Variants in BRF1 observed in about 807,000 individuals in gnomAD.
BRF1 encodes the protein BRF1 general transcription factor IIIB subunit, also known as transcription factor IIIB 90 kDa subunit.
In BRF1, 59 loss-of-function variants were observed where a neutral mutation model predicts 81.7. The observed-to-expected ratio is 0.72, with a 90% CI of 0.59 to 0.90. The LOEUF is 0.90. BRF1 is among the 40% of genes least tolerant of loss of function. The probability of loss-of-function intolerance (pLI) is 0.00; values close to 1 mark genes in which losing one functional copy is unlikely to be tolerated. For synonymous variants in BRF1, 491 were observed against 395.6 expected, an observed-to-expected ratio of 1.24 and a Z score of -2.86; for missense variants, 1,050 against 936.3, an observed-to-expected ratio of 1.12 and a Z score of -1.58.
rs1027501675 is a variant in BRF1 at position 105,210,188 on chromosome 14, C to A, written c.*363G>T. ...AGTCACAGGGCCAGCACACTCAGCC[C>A]TCCACACACTTGGACCAGCAGTGGG... On this transcript the variant is annotated 3_prime_UTR_variant, in exon 18 of 18. Transcript: ENST00000547530. This position sits in a 1 kb window ranked among gnomAD's most constrained non-coding sequence, Gnocchi z 4.7. 6.0e-6 allele frequency: 2 copies of A among 333,042 alleles called. No individual in the cohort carries two copies. The highest frequency in any genetic ancestry group is 4.3e-5 in the African/African-American group (2 of 46,580). 20.6% of individuals were successfully genotyped at this position (333,042 alleles called of 1,614,324 possible).
chr14:105,308,018 TA>T (rs1326162945), intron 1 of BRF1, among the ~76,000 whole-genome samples: 2 of 150,314 alleles, frequency 1.3e-5, no homozygotes, highest in African/African-American at 4.9e-5. Flanking sequence ...TCCCTGTCTC[TA>T]CAAAAAATTT....
intron 2 of BRF1, among the ~76,000 whole-genome samples, chr14:105,285,227 A>G (rs1323550899): frequency 6.6e-6 from 1 of 152,214 alleles, no homozygotes; most frequent in Non-Finnish European, 1.5e-5. Flanking sequence ...TTTGAAAGAG[A>G]GCAGTTAGAG....
chr14:105,259,911 CA>C (rs759265647), intron 3 of BRF1, among the ~76,000 whole-genome samples: 29 of 144,276 alleles, frequency 2.0e-4, no homozygotes, highest in East Asian at 6.0e-4. Flanking sequence ...ATTCTGTCAC[CA>C]AAAAAAAAAG....
At position 105,243,713 on chromosome 14, in the gene BRF1, C is replaced by T. The variant is rs140875807; in HGVS notation, c.545-2299G>A. On this transcript the variant is annotated intron_variant, in intron 5 of 17. Coordinates refer to ENST00000547530, the MANE Select transcript of BRF1 (RefSeq NM_001519.4). Reference sequence around the variant, plus strand: ...TCAAAAACACTGGTAAATATATCAACGGCTGGGCACAGTGGCTCACACCTG... The same window carrying T: ...TCAAAAACACTGGTAAATATATCAATGGCTGGGCACAGTGGCTCACACCTG... Among the ~76,000 whole-genome samples, 507 of 152,114 alleles carry T rather than the reference C, an allele frequency of 3.3e-3. 3 individuals carry two copies. The highest frequency in any genetic ancestry group is 0.014 in the East Asian group (75 of 5,174).
At chr14:105,266,174 A>G (rs191083543) in intron 3 of BRF1, among the ~76,000 whole-genome samples, 2 of 152,208 alleles carry the variant, frequency 1.3e-5, no homozygotes, top group Non-Finnish European at 2.9e-5. Context: ...GGCCAGATAC[A>G]ATAGCTCACA....
At chr14:105,298,497 G>C (rs1270002289) in intron 1 of BRF1, among the ~76,000 whole-genome samples, 1 of 152,222 alleles carries the variant, frequency 6.6e-6, no homozygotes, top group Non-Finnish European at 1.5e-5. Context: ...GTTGAAACAA[G>C]GGGACCTCCA....
At position 105,286,279 on chromosome 14, in the gene BRF1, TC is replaced by T; in HGVS notation, c.265+16del. The T allele has an allele frequency of 6.2e-7, 1 of 1,609,104 alleles. No homozygotes were observed. The highest frequency in any genetic ancestry group is 8.5e-7 in the Non-Finnish European group (1 of 1,177,828). ...GGGACCCGCCGCACGCTCAGCAGCA[TC>T]CGCGGTGGGAAATACCATTCTGCAG... On this transcript the variant is annotated intron_variant, in intron 2 of 17. Transcript: ENST00000547530.
At chr14:105,285,911 A>G (rs587615267) in intron 2 of BRF1, among the ~76,000 whole-genome samples, 16 of 152,362 alleles carry the variant, frequency 1.1e-4, no homozygotes, top group Admixed American at 6.5e-5. Flanking sequence ...CAACTCAATC[A>G]TAAGACAAAT....
At position 105,211,200 on chromosome 14, in the gene BRF1, C is replaced by T. The variant is rs1263125046; in HGVS notation, c.1918G>A (p.Glu640Lys). 28 of 1,611,958 alleles carry T rather than the reference C, an allele frequency of 1.7e-5. No individual in the cohort carries two copies. Among genetic ancestry groups the T allele is most frequent in the Middle Eastern group, 1.7e-4 (1 of 6,048 alleles). The change falls in exon 17 of 18, where the codon GAG becomes AAG. Residue 640 changes from glutamate (E) to lysine (K), a missense_variant. This residue lies in a region of BRF1 where 1,043 missense variants were observed against 915.4 expected (regional missense o/e 1.14). Transcript: ENST00000547530. ...TCAGGCTCCTCCTCGTCAGCCTCCT[C>T]GTCGGCGTGGTATGACACGGGCCCG... ...ESGPVSYHAD[E>K]EADEEEPDEE...
chr14:105,241,807 C>T (rs1229326279), intron 5 of BRF1: 1 of 223,510 alleles, frequency 4.5e-6, no homozygotes, highest in South Asian at 7.0e-5. Context: ...GTACACAAGT[C>T]GCCAGCCGGC....
intron 7 of BRF1, 23 bp downstream of exon 7, chr14:105,228,797 T>C (rs369918675): frequency 1.9e-6 from 3 of 1,612,928 alleles, no homozygotes; most frequent in Admixed American, 1.7e-5. Context: ...GTGGTCCCCA[T>C]GCCATGAATG....
At chr14:105,226,027 C>T (rs747343382) in intron 10 of BRF1, 42 bp downstream of exon 10, 14 of 1,541,732 alleles carry the variant, frequency 9.1e-6, no homozygotes, top group Non-Finnish European at 1.2e-5. Context: ...GACTCTAGCA[C>T]ATTTTAAAGG....
intron 3 of BRF1, among the ~76,000 whole-genome samples, chr14:105,272,126 G>A (rs1282899573): frequency 8.3e-6 from 1 of 120,260 alleles, no homozygotes; most frequent in African/African-American, 3.0e-5. Flanking sequence ...AGGGTCGGGG[G>A]CCTCCTCGCC....
rs1243617468 is a variant in BRF1 at position 105,300,523 on chromosome 14, A to T, written c.107T>A (p.Ile36Asn). 6.5e-7 allele frequency: 1 copy of T among 1,538,008 alleles called. No homozygotes were observed. The highest frequency in any genetic ancestry group is 2.0e-5 in the Admixed American group (1 of 50,736). The change falls in exon 1 of 18, where the codon ATC (isoleucine) becomes AAC (asparagine). Residue 36 changes from isoleucine (I) to asparagine (N), a missense_variant. By Grantham distance (149) the Ile-to-Asn change is moderately radical (BLOSUM62 -3). Around this residue, in one of 2 missense-constraint regions of BRF1, gnomAD observed 1,043 missense variants for 915.4 expected, o/e 1.14. Coordinates refer to ENST00000547530, the MANE Select transcript of BRF1 (RefSeq NM_001519.4). ...CACGAACTGCACCTCGGACACGATG[A>T]TGTTGTCCTCCAGCACTGAGCCGCA... is the stretch of plus-strand genomic sequence containing the variant. ...TACGSVLEDN[I>N]IVSEVQFVES...
Position 105,228,933 on chromosome 14 carries a change from G to C in BRF1, c.695-20C>G, listed in dbSNP as rs761654611. The C allele has an allele frequency of 1.2e-6, 2 of 1,611,726 alleles. No homozygotes were observed. The highest frequency in any genetic ancestry group is 1.7e-6 in the Non-Finnish European group (2 of 1,179,012). On this transcript the variant is annotated intron_variant, in intron 6 of 17. Transcript: ENST00000547530. ...GGAGCGCTGGAAGGCAACGAGACGG[G>C]CCTCGTCAACCACGGCTGGGAACCA...
chr14:105,215,647 G>A (rs1200743594), intron 15 of BRF1, among the ~76,000 whole-genome samples: 1 of 134,116 alleles, frequency 7.5e-6, no homozygotes, highest in Non-Finnish European at 1.6e-5. Flanking sequence ...CACAGACACA[G>A]GCACACACAC....
chr14:105,241,847 G>A (rs781157158), intron 5 of BRF1: 6 of 219,986 alleles, frequency 2.7e-5, no homozygotes, highest in African/African-American at 4.5e-5. Context: ...TGGGTGAGAG[G>A]AGGGCCCACT....
chr14:105,281,629 AG>A (rs1200851051), intron 2 of BRF1, among the ~76,000 whole-genome samples: 2 of 151,724 alleles, frequency 1.3e-5, no homozygotes, highest in Admixed American at 6.6e-5. Context: ...ACCACAGTGG[AG>A]GGGGGCACTG....
intron 3 of BRF1, among the ~76,000 whole-genome samples, chr14:105,267,838 G>C (rs2056488847): frequency 6.6e-6 from 1 of 152,218 alleles, no homozygotes. Flanking sequence ...CCAGACCCCA[G>C]AATGGAATAA....
Sources: gnomAD v4.1 joint callset for allele counts (sites outside exome capture counted in the v4.1 genomes callset) on GRCh38, gnomAD v4.1.1 for gene constraint, gnomAD v4.1.1 regional missense constraint, Gnocchi (gnomAD v3.1) non-coding constraint, MANE v1.5 for transcripts, NCBI Gene and HGNC (gene_info 2026-07-23, HGNC 2026-07-21) for gene names.